The following EGFLAM variants were observed in gnomAD, a reference collection of about 807,000 sequenced individuals.
EGFLAM encodes the protein pikachurin.
A neutral mutation model predicts 113.1 loss-of-function variants in EGFLAM; 79 were observed. The observed-to-expected ratio is 0.70, with a 90% CI of 0.58 to 0.84. EGFLAM has a LOEUF of 0.84. EGFLAM is among the 40% of genes least tolerant of loss of function. EGFLAM has a pLI of 0.00. For missense variants in EGFLAM, 1,265 were observed against 1,291.6 expected (o/e 0.98, Z 0.32); for synonymous variants, 504 against 487.6 (o/e 1.03, Z -0.44).
intron 6 of EGFLAM, among the ~76,000 whole-genome samples, chr5:38,387,562 C>T (rs1230747399): frequency 1.3e-5 from 2 of 152,238 alleles, no homozygotes; most frequent in African/African-American, 2.4e-5. Flanking sequence ...TCACCCACCA[C>T]ACAATTCTGT....
intron 6 of EGFLAM, among the ~76,000 whole-genome samples, chr5:38,387,785 C>T (rs931696616): frequency 6.6e-6 from 1 of 152,240 alleles, no homozygotes; most frequent in Admixed American, 6.5e-5. Context: ...GTTTCTTGGA[C>T]ACAGATTAAT....
In EGFLAM at chr5:38,266,570, TTTTA is replaced by T. The variant is rs1378536269; in HGVS notation, c.97+7722_97+7725del. Reference sequence around the variant, plus strand: ...CATAGACATTTATGATTTTATGTACTTTTATTCTTTTCTATAGGTATTAAGGTAT... The same window carrying T: ...CATAGACATTTATGATTTTATGTACTTTCTTTTCTATAGGTATTAAGGTAT... On this transcript the variant is annotated intron_variant, in intron 1 of 21. Transcript: ENST00000322350. 2.6e-5 allele frequency among the ~76,000 whole-genome samples: 4 copies of T among 152,352 alleles called. No homozygotes were observed. The East Asian group carries it at 7.7e-4, about 29-fold the overall frequency.
In EGFLAM at chr5:38,427,242, G is replaced by C. The variant is rs372653558; in HGVS notation, c.2044G>C (p.Gly682Arg). The change falls in exon 14 of 22, where the codon GGT (glycine) becomes CGT (arginine). Residue 682 changes from glycine (G) to arginine (R), a missense_variant. Transcript: ENST00000322350. ...EFRFDCGSGT[G>R]VLRSEDPLTL... ...CCGCTTTGACTGTGGCTCTGGGACC[G>C]GTGTCCTCAGGTGAGGGCTGAAAAC... 1 of 1,613,804 alleles carries C rather than the reference G, an allele frequency of 6.2e-7. No individual in the cohort carries two copies. Among genetic ancestry groups the C allele is most frequent in the Non-Finnish European group, 8.5e-7 (1 of 1,179,874 alleles).
Position 38,439,318 on chromosome 5 carries a change from C to T in EGFLAM, c.2464+863C>T, listed in dbSNP as rs75134356. 5.8e-3 allele frequency among the ~76,000 whole-genome samples: 878 copies of T among 151,982 alleles called. 7 individuals are homozygous for T. The highest frequency in any genetic ancestry group is 0.019 in the African/African-American group (805 of 41,444). On this transcript the variant is annotated intron_variant, in intron 17 of 21. Transcript: ENST00000322350. ...CGGCCCTGGTATCTAGAATAGGCTT[C>T]CCACATATATCCATCATGTTGGGCC... is the stretch of plus-strand genomic sequence containing the variant.
intron 15 of EGFLAM, among the ~76,000 whole-genome samples, chr5:38,433,168 TA>T (rs1339934610): frequency 6.6e-6 from 1 of 152,152 alleles, no homozygotes; most frequent in Non-Finnish European, 1.5e-5. Flanking sequence ...GCAGTGGTCT[TA>T]GAGCTCAGAG....
At chr5:38,390,176 C>T (rs1392611747) in intron 6 of EGFLAM, among the ~76,000 whole-genome samples, 2 of 152,172 alleles carry the variant, frequency 1.3e-5, no homozygotes, top group Non-Finnish European at 2.9e-5. Flanking sequence ...TTCCCCCCAT[C>T]ACTTTTAATT....
At chr5:38,266,114 A>C (rs1412779653) in intron 1 of EGFLAM, among the ~76,000 whole-genome samples, 2 of 152,226 alleles carry the variant, frequency 1.3e-5, no homozygotes, top group Admixed American at 1.3e-4. Context: ...GTTAACAAAA[A>C]GCCACGCTGT....
chr5:38,370,469 A>T lies in EGFLAM; in HGVS notation c.712+7A>T, dbSNP rs765823404. On this transcript the variant is annotated splice_region_variant and intron_variant, in intron 6 of 21. Coordinates refer to ENST00000322350, the MANE Select transcript of EGFLAM (RefSeq NM_152403.4). ...GACATCATCCGGACCCTCTGTGAGT[A>T]CCAGGGTCCTTCTGAGGGACCAAGG... 1 of 1,612,306 alleles carries T rather than the reference A, an allele frequency of 6.2e-7. No individual in the cohort carries two copies. The highest frequency in any genetic ancestry group is 1.3e-5 in the African/African-American group (1 of 74,874).
intron 6 of EGFLAM, among the ~76,000 whole-genome samples, chr5:38,381,426 G>A (rs1452169815): frequency 3.3e-5 from 5 of 152,094 alleles, no homozygotes; most frequent in Admixed American, 1.3e-4. Flanking sequence ...TAATGCAACC[G>A]AATACGAAAC....
In EGFLAM at chr5:38,451,373, C is replaced by T. The variant is rs1180218557; in HGVS notation, c.2602C>T (p.Leu868Phe). The T allele has an allele frequency of 6.2e-7, 1 of 1,614,196 alleles. No homozygotes were observed. Among genetic ancestry groups the T allele is most frequent in the Non-Finnish European group, 8.5e-7 (1 of 1,180,028 alleles). The change falls in exon 19 of 22, where the codon CTT (leucine) becomes TTT (phenylalanine). Residue 868 changes from leucine (L) to phenylalanine (F), a missense_variant. By Grantham distance (22) the Leu-to-Phe change is conservative. Transcript: ENST00000322350. Reference protein sequence around the residue: ...MRFKTTAKDGLLLWRGDSPMR... With the variant: ...MRFKTTAKDGFLLWRGDSPMR... The stretch of plus-strand genomic sequence containing the variant: ...GTTTAAAACAACTGCCAAGGATGGC[C>T]TTTTGCTGTGGAGGGGAGACAGCCC...
chr5:38,259,366 T>G (rs1757444865), intron 1 of EGFLAM, among the ~76,000 whole-genome samples: 1 of 152,226 alleles, frequency 6.6e-6, no homozygotes, highest in Non-Finnish European at 1.5e-5. Context: ...CTGGGGCCAT[T>G]TGTTCAGAAG....
intron 18 of EGFLAM, among the ~76,000 whole-genome samples, chr5:38,448,616 G>T (rs1035067443): frequency 4.6e-5 from 7 of 152,166 alleles, no homozygotes; most frequent in African/African-American, 1.4e-4. Flanking sequence ...TGTTACAAAA[G>T]ATCCAGTATC....
At chr5:38,294,707 T>C (rs1263065809) in intron 1 of EGFLAM, among the ~76,000 whole-genome samples, 2 of 152,240 alleles carry the variant, frequency 1.3e-5, no homozygotes, top group Non-Finnish European at 2.9e-5. Flanking sequence ...ACCTTGGTTC[T>C]AGCTATAAAT....
At position 38,464,954 on chromosome 5, in the gene EGFLAM, TTTTTG is replaced by T. The variant is rs1434656223; in HGVS notation, c.*973_*977del. The T allele has an allele frequency of 2.0e-5, 3 of 152,168 alleles. No individual in the cohort carries two copies. Among genetic ancestry groups the T allele is most frequent in the Non-Finnish European group, 4.4e-5 (3 of 68,042 alleles). 9.4% of individuals were successfully genotyped at this position (152,168 alleles called of 1,614,324 possible). ...GTGTTACCGAGGTAGGTCACTGTCA[TTTTTG>T]TTTTAAGAGTTGGGGGGAGTATCTA... On this transcript the variant is annotated 3_prime_UTR_variant, in exon 22 of 22. Transcript: ENST00000322350.
chr5:38,403,728 G>C (rs1389015958), intron 6 of EGFLAM: 1 of 1,498,302 alleles, frequency 6.7e-7, no homozygotes, highest in African/African-American at 1.4e-5. Context: ...GTGGTTGATC[G>C]AGGGTAAATG....
chr5:38,395,234 C>T (rs1156907684), intron 6 of EGFLAM, among the ~76,000 whole-genome samples: 1 of 146,244 alleles, frequency 6.8e-6, no homozygotes, highest in Non-Finnish European at 1.5e-5. Context: ...GCCACCATGC[C>T]TAGCCTTTTT....
intron 1 of EGFLAM, among the ~76,000 whole-genome samples, chr5:38,331,528 C>T (rs926466448): frequency 2.0e-5 from 3 of 152,040 alleles, no homozygotes; most frequent in Non-Finnish European, 4.4e-5. Flanking sequence ...CTTAGGAATA[C>T]CCACTGAAGT....
At chr5:38,361,021 A>ATT (rs35274664) in intron 5 of EGFLAM, among the ~76,000 whole-genome samples, 28 of 138,200 alleles carry the variant, frequency 2.0e-4, no homozygotes, top group African/African-American at 6.4e-4. Context: ...CGCCCAGCTA[A>ATT]TTTTTTTTTT....
At chr5:38,310,032 G>A (rs989405219) in intron 1 of EGFLAM, among the ~76,000 whole-genome samples, 4 of 152,144 alleles carry the variant, frequency 2.6e-5, no homozygotes, top group Non-Finnish European at 4.4e-5. Context: ...AAGGATTGCC[G>A]AGTGTTTGAG....
Sources: gnomAD v4.1 joint callset for allele counts (sites outside exome capture counted in the v4.1 genomes callset) on GRCh38, gnomAD v4.1.1 for gene constraint, MANE v1.5 for transcripts, NCBI Gene and HGNC (gene_info 2026-07-23, HGNC 2026-07-21) for gene names.